The following KCNT2 variants were observed in gnomAD, a reference collection of about 807,000 sequenced individuals.
KCNT2 encodes potassium sodium-activated channel subfamily T member 2.
KCNT2 carries 67 observed loss-of-function variants against 153.8 expected under a neutral mutation model. The ratio of observed to expected loss-of-function variants is 0.44; its 90% CI spans 0.36 to 0.53. KCNT2 has a LOEUF of 0.53. Among genes scored for constraint, KCNT2 ranks in the 20% least tolerant of loss-of-function variants. KCNT2 has a pLI of 0.00. For missense variants in KCNT2, 975 were observed against 1,354.8 expected (o/e 0.72, Z 4.40); for synonymous variants, 500 against 458.8 (o/e 1.09, Z -1.15).
intron 8 of KCNT2, among the ~76,000 whole-genome samples, chr1:196,432,013 C>T (rs1674194722): frequency 6.6e-6 from 1 of 152,004 alleles, no homozygotes; most frequent in Non-Finnish European, 1.5e-5. Context: ...GGTTTGAGGG[C>T]AGAATAGTTT....
intron 1 of KCNT2, among the ~76,000 whole-genome samples, chr1:196,505,794 C>T (rs944941998): frequency 1.3e-4 from 20 of 151,524 alleles, no homozygotes; most frequent in African/African-American, 4.4e-4. Context: ...TGAAGAGGTC[C>T]TTCACGTCCC....
At chr1:196,436,851 A>C (rs2148570024) in intron 8 of KCNT2, among the ~76,000 whole-genome samples, 1 of 149,438 alleles carries the variant, frequency 6.7e-6, no homozygotes, top group East Asian at 2.0e-4. Context: ...CAACCAAGTT[A>C]AACAATTTAA....
At chr1:196,528,635 T>C (rs893174787) in intron 1 of KCNT2, among the ~76,000 whole-genome samples, 3 of 152,134 alleles carry the variant, frequency 2.0e-5, no homozygotes, top group African/African-American at 7.2e-5. Context: ...TAAGTGTTGA[T>C]CGTAAAAAAA....
chr1:196,528,902 T>G (rs138408504), intron 1 of KCNT2, among the ~76,000 whole-genome samples: 1 of 152,268 alleles, frequency 6.6e-6, no homozygotes, highest in African/African-American at 2.4e-5. Flanking sequence ...GATTGTGCAT[T>G]AGATTGCCCC....
intron 13 of KCNT2, among the ~76,000 whole-genome samples, chr1:196,382,256 A>T (rs932468574): frequency 6.9e-6 from 1 of 144,708 alleles, no homozygotes; most frequent in African/African-American, 2.5e-5. Context: ...CTGCCACCAC[A>T]CCCGGCTATT....
chr1:196,370,993 A>C (rs1010628358), intron 14 of KCNT2, among the ~76,000 whole-genome samples: 1 of 152,042 alleles, frequency 6.6e-6, no homozygotes, highest in Non-Finnish European at 1.5e-5. Context: ...CAATGCACCC[A>C]AGTAACCAAC....
chr1:196,454,210 A>AT (rs967453849), intron 8 of KCNT2, among the ~76,000 whole-genome samples: 3 of 151,864 alleles, frequency 2.0e-5, no homozygotes, highest in Admixed American at 6.6e-5. Context: ...CATTAATTTT[A>AT]TTTTTTATAT....
At chr1:196,381,473 T>A (rs1275941093) in intron 13 of KCNT2, among the ~76,000 whole-genome samples, 2 of 152,012 alleles carry the variant, frequency 1.3e-5, no homozygotes, top group Non-Finnish European at 2.9e-5. Flanking sequence ...TATATATATA[T>A]ATTATTAAAC....
At chr1:196,467,446 G>T (rs139735059) in intron 7 of KCNT2, among the ~76,000 whole-genome samples, 1 of 151,770 alleles carries the variant, frequency 6.6e-6, no homozygotes, top group Non-Finnish European at 1.5e-5. Flanking sequence ...TTACCACAAT[G>T]ACTCATTAAA....
intron 12 of KCNT2, among the ~76,000 whole-genome samples, chr1:196,398,926 T>A (rs897828709): frequency 6.6e-6 from 1 of 151,714 alleles, no homozygotes; most frequent in East Asian, 1.9e-4. Context: ...GACTTAAAAA[T>A]AATTTTCCTA....
At position 196,226,697 on chromosome 1, in the gene KCNT2, T is replaced by C. The variant is rs1025753025; in HGVS notation, c.*1527A>G. ...TTACAGTTTTATTTCTGTAGAATTA[T>C]TGAGAGTACATTAGAATATCTTTTC... is the stretch of plus-strand genomic sequence containing the variant. On this transcript the variant is annotated 3_prime_UTR_variant, in exon 28 of 28. Transcript: ENST00000294725. 6.6e-6 allele frequency: 1 copy of C among 152,032 alleles called. No homozygotes were observed. Among genetic ancestry groups the C allele is most frequent in the Non-Finnish European group, 1.5e-5 (1 of 67,868 alleles). The allele number at this position is 152,032 out of a possible 1,614,324, so 9.4% of individuals were successfully genotyped here. A position where few individuals can be genotyped will look rare whatever the true frequency, so the allele number is the denominator to read the frequency against.
chr1:196,307,701 T>C lies in KCNT2; in HGVS notation c.2484-2356A>G, dbSNP rs563637227. On this transcript the variant is annotated intron_variant, in intron 21 of 27. Coordinates refer to ENST00000294725, the MANE Select transcript of KCNT2 (RefSeq NM_198503.5). ...ATGGAGAAACATTGTATTATCCATA[T>C]TTCACATGATTTTCTTTTAGCAGCT... Among the ~76,000 whole-genome samples, 48 of 152,252 alleles carry C rather than the reference T, an allele frequency of 3.2e-4. No individual in the cohort carries two copies. The South Asian group carries it at 9.7e-3, about 31-fold the overall frequency.
At chr1:196,398,023 G>A (rs960199064) in intron 13 of KCNT2, among the ~76,000 whole-genome samples, 2 of 151,226 alleles carry the variant, frequency 1.3e-5, no homozygotes, top group African/African-American at 4.8e-5. Flanking sequence ...ATAATCTCAT[G>A]TGATCTGTCA....
At chr1:196,229,182 G>A (rs974557222) in intron 27 of KCNT2, among the ~76,000 whole-genome samples, 1 of 151,916 alleles carries the variant, frequency 6.6e-6, no homozygotes, top group Admixed American at 6.6e-5. Context: ...AAGGTTTGTG[G>A]CAACCCTGAA....
intron 1 of KCNT2, among the ~76,000 whole-genome samples, chr1:196,592,844 A>G (rs1663548435): frequency 6.7e-6 from 1 of 149,146 alleles, no homozygotes; most frequent in Non-Finnish European, 1.5e-5. Context: ...TTAATTTTTT[A>G]TTTCTATAAA....
chr1:196,237,230 T>C (rs1344136178), intron 26 of KCNT2, among the ~76,000 whole-genome samples: 1 of 151,770 alleles, frequency 6.6e-6, no homozygotes, highest in African/African-American at 2.4e-5. Context: ...TGTTGACTAC[T>C]GTGTTCCTCT....
intron 15 of KCNT2, among the ~76,000 whole-genome samples, chr1:196,341,029 A>G (rs1263317971): frequency 6.6e-6 from 1 of 151,886 alleles, no homozygotes; most frequent in Admixed American, 6.6e-5. Flanking sequence ...TAGAAAAAAT[A>G]TATATATTTA....
At chr1:196,432,027 C>T (rs1175147109) in intron 8 of KCNT2, among the ~76,000 whole-genome samples, 3 of 152,006 alleles carry the variant, frequency 2.0e-5, no homozygotes, top group Admixed American at 6.6e-5. Context: ...ATAGTTTCAA[C>T]GGAGGAAACC....
At chr1:196,438,894 TC>T (rs1398488007) in intron 8 of KCNT2, among the ~76,000 whole-genome samples, 1 of 151,948 alleles carries the variant, frequency 6.6e-6, no homozygotes, top group African/African-American at 2.4e-5. Context: ...TAGAATTTTC[TC>T]TTTTTATATT....
Sources: gnomAD v4.1 joint callset for allele counts (sites outside exome capture counted in the v4.1 genomes callset) on GRCh38, gnomAD v4.1.1 for gene constraint, MANE v1.5 for transcripts, NCBI Gene and HGNC (gene_info 2026-07-23, HGNC 2026-07-21) for gene names.